The following DSCAML1 variants were observed in gnomAD, a reference collection of about 807,000 sequenced individuals.
The protein encoded by DSCAML1 is cell adhesion molecule DSCAML1.
Under a neutral mutation model 200.5 loss-of-function variants are expected in DSCAML1, and 38 were observed. The observed-to-expected ratio is 0.19, with a 90% confidence interval of 0.15 to 0.25. The LOEUF (loss-of-function observed/expected upper bound fraction) is 0.25, where lower values mean the gene tolerates loss of function less well. DSCAML1 is among the 10% of genes least tolerant of loss of function. DSCAML1 has a pLI of 1.00. For synonymous variants in DSCAML1, 1,215 were observed against 1,165.0 expected (o/e 1.04, Z -0.87); for missense variants, 2,223 against 2,858.8 (o/e 0.78, Z 5.07).
intron 1 of DSCAML1, among the ~76,000 whole-genome samples, chr11:117,786,084 C>A (rs185609656): frequency 6.6e-6 from 1 of 152,304 alleles, no homozygotes; most frequent in South Asian, 2.1e-4. Flanking sequence ...CCAATCCCAG[C>A]CACTCCCCGC....
At chr11:117,706,406 C>T (rs1047237999) in intron 3 of DSCAML1, among the ~76,000 whole-genome samples, 18 of 152,166 alleles carry the variant, frequency 1.2e-4, no homozygotes, top group African/African-American at 3.6e-4. Context: ...TCCCATGACT[C>T]GGTGCCGGTC....
intron 3 of DSCAML1, among the ~76,000 whole-genome samples, chr11:117,681,194 C>T (rs1048622067): frequency 6.6e-6 from 1 of 152,212 alleles, no homozygotes; most frequent in African/African-American, 2.4e-5. Flanking sequence ...CCTTTGTGAA[C>T]ACATGGACCT....
At position 117,521,305 on chromosome 11, in the gene DSCAML1, G is replaced by A. The variant is rs752923849; in HGVS notation, c.1038C>T (p.Ile346=). Residue 346 remains isoleucine, a synonymous_variant, in exon 6 of 33, where the codon ATC becomes ATT. Transcript: ENST00000651296. ...CCAGCTCCGTGTTGCGATACCAGCG[G>A]ATGGTGAACTCTGGGGAGCCCGTCA... ...CALTGSPEFT[I]RWYRNTELVL... The A allele has an allele frequency of 3.7e-6, 6 of 1,614,218 alleles. 1 individual carries two copies. The South Asian group carries it at 5.5e-5, about 15-fold the overall frequency.
chr11:117,814,306 G>A (rs551134129), intron 1 of DSCAML1, among the ~76,000 whole-genome samples: 12 of 152,238 alleles, frequency 7.9e-5, no homozygotes, highest in Non-Finnish European at 1.5e-4. Flanking sequence ...CTGTTTGGTG[G>A]TTCTCTTCAC....
chr11:117,713,150 G>A (rs1174033698), intron 3 of DSCAML1, among the ~76,000 whole-genome samples: 2 of 152,136 alleles, frequency 1.3e-5, no homozygotes, highest in Non-Finnish European at 2.9e-5. Context: ...AGGCTAGAAT[G>A]TAACGGCATG....
chr11:117,625,270 A>C (rs966502519), intron 3 of DSCAML1, among the ~76,000 whole-genome samples: 9 of 151,664 alleles, frequency 5.9e-5, no homozygotes, highest in African/African-American at 2.2e-4. Context: ...CTTTCAAAAC[A>C]CCTCTCCCAC....
At chr11:117,609,281 G>A (rs911881073) in intron 3 of DSCAML1, among the ~76,000 whole-genome samples, 2 of 143,300 alleles carry the variant, frequency 1.4e-5, no homozygotes, top group Admixed American at 7.1e-5. Flanking sequence ...TACTAGAGAC[G>A]TTGATTTTCT....
intron 8 of DSCAML1, among the ~76,000 whole-genome samples, chr11:117,508,549 G>T (rs1425714244): frequency 1.3e-5 from 2 of 151,652 alleles, no homozygotes; most frequent in African/African-American, 4.8e-5. Context: ...AATAAGAGGG[G>T]GGGTCTGTGC....
At chr11:117,481,666 A>G (rs112746276) in intron 12 of DSCAML1, among the ~76,000 whole-genome samples, 12 of 139,676 alleles carry the variant, frequency 8.6e-5, no homozygotes, top group Non-Finnish European at 1.1e-4. Context: ...GGAGAGAGGG[A>G]GGGGCTGAGG....
At chr11:117,782,836 G>A (rs1187848594) in intron 1 of DSCAML1, among the ~76,000 whole-genome samples, 1 of 152,010 alleles carries the variant, frequency 6.6e-6, no homozygotes, top group Non-Finnish European at 1.5e-5. Flanking sequence ...CTAAGAGACA[G>A]GTACTATTAG....
chr11:117,756,183 A>T (rs187028117), intron 3 of DSCAML1, among the ~76,000 whole-genome samples: 167 of 152,368 alleles, frequency 1.1e-3, no homozygotes, highest in Non-Finnish European at 2.1e-3. Context: ...TGGCAGCCCC[A>T]GTTCAGAGCT....
intron 1 of DSCAML1, among the ~76,000 whole-genome samples, chr11:117,787,273 G>A (rs1299920385): frequency 6.6e-6 from 1 of 152,318 alleles, no homozygotes; most frequent in African/African-American, 2.4e-5. Context: ...AAGAGCTTGG[G>A]ACAGTTTCTG....
At chr11:117,603,261 A>C (rs918467078) in intron 3 of DSCAML1, among the ~76,000 whole-genome samples, 2 of 152,204 alleles carry the variant, frequency 1.3e-5, no homozygotes, top group Non-Finnish European at 2.9e-5. Context: ...TCCTCATCCT[A>C]AAACTGGTAG....
At chr11:117,784,365 C>T (rs999735880) in intron 1 of DSCAML1, among the ~76,000 whole-genome samples, 6 of 152,190 alleles carry the variant, frequency 3.9e-5, no homozygotes, top group Admixed American at 2.0e-4. Flanking sequence ...AATTTAGCCT[C>T]GCCCTGCCTG....
At chr11:117,725,375 A>G (rs1003124850) in intron 3 of DSCAML1, among the ~76,000 whole-genome samples, 1 of 152,126 alleles carries the variant, frequency 6.6e-6, no homozygotes, top group Non-Finnish European at 1.5e-5. Context: ...GACTCCATCC[A>G]CAGGAGGTTT....
rs2054702757 is a variant in DSCAML1, at chr11:117,756,855, C to A, written c.511+19936G>T. Among the ~76,000 whole-genome samples, 3 of 152,292 alleles carry A rather than the reference C, an allele frequency of 2.0e-5. No homozygotes were observed. In the South Asian group the frequency reaches 6.2e-4, roughly 32 times the overall value. ...ACTCACTTTGGGAAAGACTTTGACA[C>A]AACAGGGCACGCTCAGCGGTGGCTC... On this transcript the variant is annotated intron_variant, in intron 3 of 32. Transcript: ENST00000651296.
In DSCAML1 at chr11:117,437,359, G is replaced by A; in HGVS notation, c.4483C>T (p.His1495Tyr). The A allele has an allele frequency of 6.2e-7, 1 of 1,614,212 alleles. No individual in the cohort carries two copies. The highest frequency in any genetic ancestry group is 8.5e-7 in the Non-Finnish European group (1 of 1,180,036). The stretch of plus-strand genomic sequence containing the variant: ...CAGCCCTGCAGGTTAAGCCGAGCAT[G>A]CGTGGAGTTGATGTGGGTGAAGAGG... ...QHLFTHINST[H>Y]ARLNLQGWNN... is the part of the protein sequence containing the mutation. Residue 1495 changes from histidine (H) to tyrosine (Y), a missense_variant, in exon 26 of 33, where the codon CAT (histidine) becomes TAT (tyrosine). This residue lies in a region of DSCAML1 where 614 missense variants were observed against 739.1 expected (regional missense o/e 0.83). Transcript: ENST00000651296. This position sits in a 1 kb window ranked among gnomAD's most constrained non-coding sequence, Gnocchi z 5.3.
At chr11:117,558,871 T>C (rs1225814238) in intron 3 of DSCAML1, among the ~76,000 whole-genome samples, 1 of 152,220 alleles carries the variant, frequency 6.6e-6, no homozygotes, top group Non-Finnish European at 1.5e-5. Context: ...ATACAATGTC[T>C]GGAATTTACA....
At chr11:117,654,284 A>T (rs1054251388) in intron 3 of DSCAML1, among the ~76,000 whole-genome samples, 2 of 152,224 alleles carry the variant, frequency 1.3e-5, no homozygotes, top group Non-Finnish European at 2.9e-5. Context: ...TGATGGTTGC[A>T]CATATCTGTG....
Sources: gnomAD v4.1 joint callset for allele counts (sites outside exome capture counted in the v4.1 genomes callset) on GRCh38, gnomAD v4.1.1 for gene constraint, gnomAD v4.1.1 regional missense constraint, Gnocchi (gnomAD v3.1) non-coding constraint, MANE v1.5 for transcripts, NCBI Gene and HGNC (gene_info 2026-07-23, HGNC 2026-07-21) for gene names.